ZNF445: variants seen among roughly 807,000 people sequenced by gnomAD.
ZNF445 encodes the protein zinc finger protein 168.
A neutral mutation model predicts 93.9 loss-of-function variants in ZNF445; 19 were observed. That is an observed-to-expected ratio of 0.20 (90% CI 0.14 to 0.30). The LOEUF (loss-of-function observed/expected upper bound fraction) is 0.30. Among genes scored for constraint, ZNF445 ranks in the 10% least tolerant of loss-of-function variants. ZNF445 has a pLI of 1.00. For synonymous variants in ZNF445, 449 were observed against 446.3 expected (o/e 1.01, Z -0.08); for missense variants, 1,058 against 1,259.4 (o/e 0.84, Z 2.42).
intron 1 of ZNF445, among the ~76,000 whole-genome samples, chr3:44,460,998 G>C (rs1412883955): frequency 6.6e-6 from 1 of 152,160 alleles, no homozygotes; most frequent in Non-Finnish European, 1.5e-5. Flanking sequence ...CTACTGGCGG[G>C]GCACTGCTGA....
chr3:44,457,704 C>T (rs1198123372), intron 2 of ZNF445, among the ~76,000 whole-genome samples: 1 of 152,136 alleles, frequency 6.6e-6, no homozygotes, highest in Non-Finnish European at 1.5e-5. Flanking sequence ...CACTTGAATT[C>T]AGAATGGATC....
intron 3 of ZNF445, chr3:44,454,818 C>G: frequency 2.5e-6 from 1 of 395,648 alleles, no homozygotes; most frequent in Non-Finnish European, 4.7e-6. Flanking sequence ...ATCCTCCCAC[C>G]TCAGCCTCCT....
rs1697565327 is a variant in ZNF445, at chr3:44,432,256, CATTT to C, written c.*14315_*14318del. 7.2e-6 allele frequency: 1 copy of C among 138,000 alleles called. No homozygotes were observed. The highest frequency in any genetic ancestry group is 3.0e-5 in the African/African-American group (1 of 33,768). The allele number at this position is 138,000 out of a possible 1,614,324, so 8.5% of individuals were successfully genotyped here. On this transcript the variant is annotated 3_prime_UTR_variant, in exon 8 of 8. Coordinates refer to ENST00000396077, the MANE Select transcript of ZNF445 (RefSeq NM_181489.6). ...AGTTTTATTGGAACACATCTACACTCATTTGTGTGTGTGTGTCTGTGTGTGTGTG... is the reference window on the plus strand; with the variant it reads ...AGTTTTATTGGAACACATCTACACTCGTGTGTGTGTGTCTGTGTGTGTGTG...
Position 44,436,036 on chromosome 3 carries a change from C to T in ZNF445, c.*10539G>A, listed in dbSNP as rs1032145980. The T allele has an allele frequency of 3.3e-5, 5 of 152,188 alleles. No homozygotes were observed. Among genetic ancestry groups the T allele is most frequent in the African/African-American group, 9.7e-5 (4 of 41,438 alleles). The allele number at this position is 152,188 out of a possible 1,614,324, so 9.4% of individuals were successfully genotyped here. ...AAAGTATAAATTATTGTCAGTGCAG[C>T]AGGGTCCTACTTCAAAGGGACCTGG... On this transcript the variant is annotated 3_prime_UTR_variant, in exon 8 of 8. Transcript: ENST00000396077.
In ZNF445 at chr3:44,455,402, C is replaced by T. The variant is rs1487329190; in HGVS notation, c.148G>A (p.Gly50Ser). 3 of 1,614,212 alleles carry T rather than the reference C, an allele frequency of 1.9e-6. No homozygotes were observed. The South Asian group carries it at 3.3e-5, about 18-fold the overall frequency. Residue 50 changes from glycine to serine, a missense_variant, in exon 3 of 8, where the codon GGC becomes AGC. Physicochemically the swap from Gly to Ser is moderately conservative, Grantham distance 56. This residue lies in a region of ZNF445 where 657 missense variants were observed against 746.4 expected (regional missense o/e 0.88). Coordinates refer to ENST00000396077, the MANE Select transcript of ZNF445 (RefSeq NM_181489.6). Reference sequence around the variant, plus strand: ...AAGAGCTGGCGGAACAGCTCCTGGCCAGGGCGGTTGAGAGTCTGTGGCCTG... The same window carrying T: ...AAGAGCTGGCGGAACAGCTCCTGGCTAGGGCGGTTGAGAGTCTGTGGCCTG... ...AARPQTLNRP[G>S]QELFRQLFRQ...
Position 44,447,550 on chromosome 3 carries a change from T to C in ZNF445, c.2121A>G (p.Lys707=), listed in dbSNP as rs981400505. 7.4e-6 allele frequency: 12 copies of C among 1,614,158 alleles called. No individual in the cohort carries two copies. The highest frequency in any genetic ancestry group is 1.0e-5 in the Non-Finnish European group (12 of 1,180,022). Residue 707 remains lysine (K), a synonymous_variant, in exon 8 of 8, where the codon AAA becomes AAG. Transcript: ENST00000396077. The surrounding 1 kb of genome is among the most constrained non-coding windows in gnomAD (Gnocchi z 4.7). ...TCCCACAATCGCTACACTGGTAAGG[T>C]TTCTCACCTGTGTGAATTCTCTGGT... The part of the protein sequence containing the change: ...VDHQRIHTGE[K]PYQCSDCGKD...
In ZNF445 at chr3:44,468,683, C is replaced by G. The variant is rs1049652326; in HGVS notation, c.-269+8908G>C. 1.7e-4 allele frequency among the ~76,000 whole-genome samples: 25 copies of G among 149,736 alleles called. No homozygotes were observed. The East Asian group carries it at 4.4e-3, about 26-fold the overall frequency. On this transcript the variant is annotated intron_variant, in intron 1 of 7. Transcript: ENST00000396077. ...CCCGCCCCCACCCCTCCACCCCCTC[C>G]CCCCGAGGAGCTGACTCAGCACAAG...
Position 44,437,382 on chromosome 3 carries a change from G to C in ZNF445, c.*9193C>G, listed in dbSNP as rs1697703403. Reference sequence around the variant, plus strand: ...AACCGTCTGGGAATGCAGCCCAGTAGGTCTCAGCCTCATTTTGTTACAGGA... The same window carrying C: ...AACCGTCTGGGAATGCAGCCCAGTACGTCTCAGCCTCATTTTGTTACAGGA... On this transcript the variant is annotated 3_prime_UTR_variant, in exon 8 of 8. Coordinates refer to ENST00000396077, the MANE Select transcript of ZNF445 (RefSeq NM_181489.6). The C allele has an allele frequency of 6.6e-6, 1 of 152,108 alleles. No homozygotes were observed. The highest frequency in any genetic ancestry group is 2.4e-5 in the African/African-American group (1 of 41,406). The allele number at this position is 152,108 out of a possible 1,614,324, so 9.4% of individuals were successfully genotyped here.
chr3:44,463,406 A>G (rs1265818486), intron 1 of ZNF445, among the ~76,000 whole-genome samples: 1 of 152,186 alleles, frequency 6.6e-6, no homozygotes, highest in African/African-American at 2.4e-5. Flanking sequence ...CTCATTGGGA[A>G]AAACAGAGGA....
intron 1 of ZNF445, among the ~76,000 whole-genome samples, chr3:44,470,451 C>T (rs553053984): frequency 6.6e-6 from 1 of 152,284 alleles, no homozygotes; most frequent in Non-Finnish European, 1.5e-5. Flanking sequence ...AAAACTCTTA[C>T]TGGTGGTGGG....
rs151168846 is a variant in ZNF445 at position 44,455,578 on chromosome 3, G to A, written c.-29C>T. On this transcript the variant is annotated 5_prime_UTR_variant, in exon 3 of 8. Coordinates refer to ENST00000396077, the MANE Select transcript of ZNF445 (RefSeq NM_181489.6). ...TCCTGTTCAGGGACTAACCAGAAGA[G>A]TGCGAACCAAGTCCACCTTAGACGT... 1.4e-5 allele frequency: 22 copies of A among 1,532,064 alleles called. No individual in the cohort carries two copies. The highest frequency in any genetic ancestry group is 3.9e-5 in the South Asian group (3 of 77,608). The allele number at this position is 1,532,064 out of a possible 1,614,324, so 94.9% of individuals were successfully genotyped here. A position where few individuals can be genotyped will look rare whatever the true frequency, so the allele number is the denominator to read the frequency against.
At chr3:44,451,055 T>G in intron 4 of ZNF445, 93 bp from the exon 5 acceptor site, 1 of 1,128,462 alleles carries the variant, frequency 8.9e-7, no homozygotes, top group Non-Finnish European at 1.2e-6. Context: ...CCTGGACCCA[T>G]GAGCAGGTAC....
At chr3:44,466,271 C>T (rs964030916) in intron 1 of ZNF445, among the ~76,000 whole-genome samples, 1 of 152,104 alleles carries the variant, frequency 6.6e-6, no homozygotes, top group Non-Finnish European at 1.5e-5. Context: ...GTGTTTTAAA[C>T]CTTTGCTACT....
At chr3:44,465,065 T>TAAAA (rs34412481) in intron 1 of ZNF445, among the ~76,000 whole-genome samples, 134 of 113,344 alleles carry the variant, frequency 1.2e-3, no homozygotes, top group African/African-American at 4.2e-3. Flanking sequence ...AGACTCCGCC[T>TAAAA]AAAAAAAAAA....
At position 44,432,951 on chromosome 3, in the gene ZNF445, T is replaced by G. The variant is rs569839643; in HGVS notation, c.*13624A>C. ...AAAATTCTGCTCATGGATTCATCCC[T>G]GCAGTAGGTTCATTTTCAGGTGGAA... is the stretch of plus-strand genomic sequence containing the variant. On this transcript the variant is annotated 3_prime_UTR_variant, in exon 8 of 8. Coordinates refer to ENST00000396077, the MANE Select transcript of ZNF445 (RefSeq NM_181489.6). 6.6e-6 allele frequency: 1 copy of G among 152,320 alleles called. No individual in the cohort carries two copies. The highest frequency in any genetic ancestry group is 2.1e-4 in the South Asian group (1 of 4,822). 9.4% of individuals were successfully genotyped at this position (152,320 alleles called of 1,614,324 possible). A position where few individuals can be genotyped will look rare whatever the true frequency, so the allele number is the denominator to read the frequency against.
In ZNF445 at chr3:44,451,024, T is replaced by G. The variant is rs1050876363; in HGVS notation, c.599-62A>C. Reference sequence around the variant, plus strand: ...CTGGACAGCCCAGTGAGAAGCCCACTCTTCCCCCCAGTAGAGGACTCCTGG... The same window carrying G: ...CTGGACAGCCCAGTGAGAAGCCCACGCTTCCCCCCAGTAGAGGACTCCTGG... On this transcript the variant is annotated intron_variant, in intron 4 of 7. Transcript: ENST00000396077. 6.6e-6 allele frequency: 9 copies of G among 1,372,742 alleles called. No homozygotes were observed. In the African/African-American group the frequency reaches 1.2e-4, roughly 18 times the overall value. 85.0% of individuals were successfully genotyped at this position (1,372,742 alleles called of 1,614,324 possible).
In ZNF445 at chr3:44,445,782, TC is replaced by T. The variant is rs1416787333; in HGVS notation, c.*792del. The T allele has an allele frequency of 6.6e-6, 1 of 152,400 alleles. No homozygotes were observed. The highest frequency in any genetic ancestry group is 1.5e-5 in the Non-Finnish European group (1 of 68,150). The allele number at this position is 152,400 out of a possible 1,614,324, so 9.4% of individuals were successfully genotyped here. ...ACATCACCATCCAGAATACTGCGTA[TC>T]CCATTTGTTTGTCATCTGTAAAGAT... is the stretch of plus-strand genomic sequence containing the variant. On this transcript the variant is annotated 3_prime_UTR_variant, in exon 8 of 8. Transcript: ENST00000396077.
rs1177826760 is a variant in ZNF445 at position 44,437,449 on chromosome 3, C to T, written c.*9126G>A. On this transcript the variant is annotated 3_prime_UTR_variant, in exon 8 of 8. Transcript: ENST00000396077. ...GACTCTTAAGAGAGTTCTTGGATCT[C>T]GTGCAAGAAAGGATTCAGGGCAAGT... 3 of 151,542 alleles carry T rather than the reference C, an allele frequency of 2.0e-5. No homozygotes were observed. Among genetic ancestry groups the T allele is most frequent in the South Asian group, 2.1e-4 (1 of 4,770 alleles). The allele number at this position is 151,542 out of a possible 1,614,324, so 9.4% of individuals were successfully genotyped here.
chr3:44,450,074 G>A (rs1697935690), intron 6 of ZNF445: 1 of 295,024 alleles, frequency 3.4e-6, no homozygotes, highest in South Asian at 3.3e-5. Flanking sequence ...CCAAGTAGCT[G>A]GGATTACAGG....
Sources: allele counts gnomAD v4.1 joint callset (sites outside exome capture counted in the v4.1 genomes callset), GRCh38; gene constraint gnomAD v4.1.1; regional missense constraint gnomAD v4.1.1; non-coding constraint Gnocchi (gnomAD v3.1); transcripts MANE v1.5; gene names NCBI Gene and HGNC (gene_info 2026-07-23, HGNC 2026-07-21).